The following SNTG1 variants were observed in gnomAD, a reference collection of about 807,000 sequenced individuals.
The protein encoded by SNTG1 is gamma-1-syntrophin.
In SNTG1, 39 loss-of-function variants were observed where a neutral mutation model predicts 74.7. That is an observed-to-expected ratio of 0.52 (90% CI 0.40 to 0.68). The LOEUF is 0.68. Ranked by LOEUF, SNTG1 falls within the 30% of genes least tolerant of loss-of-function variation. The pLI, the probability that SNTG1 is intolerant of heterozygous loss-of-function variation, is 0.00. For missense variants in SNTG1, 685 were observed against 609.5 expected (o/e 1.12, Z -1.30); for synonymous variants, 254 against 217.1 (o/e 1.17, Z -1.49).
chr8:49,998,787 G>A (rs932605436), intron 1 of SNTG1, among the ~76,000 whole-genome samples: 2 of 151,866 alleles, frequency 1.3e-5, no homozygotes, highest in Non-Finnish European at 2.9e-5. Flanking sequence ...GACCTAACTG[G>A]GGCCATTTTT....
At chr8:50,274,205 G>A (rs1244308582) in intron 2 of SNTG1, among the ~76,000 whole-genome samples, 1 of 151,962 alleles carries the variant, frequency 6.6e-6, no homozygotes, top group African/African-American at 2.4e-5. Context: ...TCCCACCTCA[G>A]CCCCCCTAGT....
chr8:50,371,438 C>T lies in SNTG1; in HGVS notation c.-27-22774C>T, dbSNP rs80077374. Among the ~76,000 whole-genome samples, 847 of 152,290 alleles carry T rather than the reference C, an allele frequency of 5.6e-3. 11 individuals are homozygous for T. The highest frequency in any genetic ancestry group is 0.02 in the African/African-American group (812 of 41,554). On this transcript the variant is annotated intron_variant, in intron 2 of 18. Transcript: ENST00000642720. ...CCCTCCCAGCATATTCATATGGCTC[C>T]TGCCAAGTTCACTGTGATCAGTTGG...
intron 13 of SNTG1, among the ~76,000 whole-genome samples, chr8:50,597,105 T>G (rs984868878): frequency 5.3e-5 from 8 of 151,844 alleles, no homozygotes; most frequent in Non-Finnish European, 7.4e-5. Context: ...ACCACTATTG[T>G]ACTCTCTACT....
chr8:50,075,409 G>A (rs1332819687), intron 1 of SNTG1, among the ~76,000 whole-genome samples: 2 of 152,194 alleles, frequency 1.3e-5, no homozygotes, highest in Non-Finnish European at 2.9e-5. Flanking sequence ...CTGGGTTCAT[G>A]TATGCACCAA....
At chr8:50,523,985 A>G (rs1252580061) in intron 9 of SNTG1, among the ~76,000 whole-genome samples, 1 of 152,178 alleles carries the variant, frequency 6.6e-6, no homozygotes, top group Admixed American at 6.6e-5. Flanking sequence ...AATTGCTGAT[A>G]GGGAAACACT....
intron 2 of SNTG1, among the ~76,000 whole-genome samples, chr8:50,229,705 G>A (rs2085520405): frequency 6.6e-6 from 1 of 151,252 alleles, no homozygotes; most frequent in South Asian, 2.1e-4. Context: ...TCATTTAGTT[G>A]ACTGAATAGC....
intron 1 of SNTG1, among the ~76,000 whole-genome samples, chr8:50,049,785 G>T (rs1477024471): frequency 6.6e-6 from 1 of 152,038 alleles, no homozygotes; most frequent in Non-Finnish European, 1.5e-5. Context: ...GATTAAAATA[G>T]AAATCAATAA....
Position 50,220,918 on chromosome 8 carries a change from A to T in SNTG1, c.-28+48283A>T, listed in dbSNP as rs188441957. Among the ~76,000 whole-genome samples, 7 of 152,292 alleles carry T rather than the reference A, an allele frequency of 4.6e-5. No homozygotes were observed. The East Asian group carries it at 1.4e-3, about 29-fold the overall frequency. Reference sequence around the variant, plus strand: ...TTCTAAACTAACTCCCTTATTAACAAATCACCCATGAGTGAATTCACCTTA... The same window carrying T: ...TTCTAAACTAACTCCCTTATTAACATATCACCCATGAGTGAATTCACCTTA... On this transcript the variant is annotated intron_variant, in intron 2 of 18. Transcript: ENST00000642720.
At chr8:50,605,500 G>T (rs1178583070) in intron 13 of SNTG1, among the ~76,000 whole-genome samples, 4 of 152,118 alleles carry the variant, frequency 2.6e-5, no homozygotes, top group Admixed American at 1.3e-4. Context: ...AACAGTCTTT[G>T]GTCTTTATTG....
At chr8:50,516,303 A>G (rs1019370563) in intron 9 of SNTG1, among the ~76,000 whole-genome samples, 1 of 152,196 alleles carries the variant, frequency 6.6e-6, no homozygotes, top group Non-Finnish European at 1.5e-5. Flanking sequence ...CCCATCATCA[A>G]ACACCAAAAA....
intron 1 of SNTG1, among the ~76,000 whole-genome samples, chr8:50,081,614 T>C (rs1427241115): frequency 6.6e-6 from 1 of 152,014 alleles, no homozygotes; most frequent in Non-Finnish European, 1.5e-5. Context: ...TTCACTTCGT[T>C]TTTTTTGTTT....
intron 2 of SNTG1, among the ~76,000 whole-genome samples, chr8:50,293,078 A>C (rs2089194938): frequency 6.6e-6 from 1 of 152,196 alleles, no homozygotes. Context: ...TCCTTGGAAC[A>C]ACCTGCGTGT....
intron 4 of SNTG1, among the ~76,000 whole-genome samples, chr8:50,418,395 T>A (rs1210127894): frequency 6.6e-6 from 1 of 152,112 alleles, no homozygotes; most frequent in East Asian, 1.9e-4. Context: ...AACTTAGAGA[T>A]CTCTAAGTCT....
intron 1 of SNTG1, among the ~76,000 whole-genome samples, chr8:50,052,081 C>T (rs888424714): frequency 2.0e-5 from 3 of 151,810 alleles, no homozygotes; most frequent in Non-Finnish European, 4.4e-5. Context: ...TGCAAGAGAC[C>T]TAGAATAATT....
At chr8:50,209,980 A>G (rs1231503431) in intron 2 of SNTG1, among the ~76,000 whole-genome samples, 9 of 152,208 alleles carry the variant, frequency 5.9e-5, no homozygotes, top group Admixed American at 5.9e-4. Flanking sequence ...AAAACCTTGA[A>G]AAAATATTAG....
intron 15 of SNTG1, among the ~76,000 whole-genome samples, chr8:50,660,729 GA>G (rs2095218554): frequency 2.0e-5 from 3 of 152,120 alleles, no homozygotes; most frequent in Non-Finnish European, 2.9e-5. Context: ...TTAAACATTA[GA>G]ACATAATGCA....
intron 2 of SNTG1, among the ~76,000 whole-genome samples, chr8:50,349,583 A>G (rs992793642): frequency 5.3e-5 from 8 of 151,950 alleles, no homozygotes; most frequent in Non-Finnish European, 1.2e-4. Context: ...TTTTTTTTAC[A>G]TATTTACATT....
At chr8:50,483,135 T>C (rs2093754850) in intron 8 of SNTG1, among the ~76,000 whole-genome samples, 1 of 152,234 alleles carries the variant, frequency 6.6e-6, no homozygotes, top group African/African-American at 2.4e-5. Flanking sequence ...CATAAATTAC[T>C]TCCAACTATG....
chr8:50,084,802 G>A (rs1822727486), intron 1 of SNTG1, among the ~76,000 whole-genome samples: 1 of 152,202 alleles, frequency 6.6e-6, no homozygotes, highest in Non-Finnish European at 1.5e-5. Flanking sequence ...TTGTGGGAGT[G>A]TGTTAGTTAT....
Sources: allele counts gnomAD v4.1 joint callset (sites outside exome capture counted in the v4.1 genomes callset), GRCh38; gene constraint gnomAD v4.1.1; transcripts MANE v1.5; gene names NCBI Gene and HGNC (gene_info 2026-07-23, HGNC 2026-07-21).